Variants in ATG7 observed in about 807,000 individuals in gnomAD.
ATG7 encodes autophagy related 7.
In ATG7, 70 loss-of-function variants were observed where a neutral mutation model predicts 82.4. The ratio of observed to expected loss-of-function variants is 0.85; its 90% CI spans 0.70 to 1.04. The LOEUF is 1.04. Ranked by LOEUF, ATG7 falls within the 50% of genes least tolerant of loss-of-function variation. The probability of loss-of-function intolerance (pLI) is 0.00; values close to 1 mark genes in which losing one functional copy is unlikely to be tolerated. For missense variants in ATG7, 792 were observed against 864.3 expected (o/e 0.92, Z 1.05); for synonymous variants, 287 against 313.0 (o/e 0.92, Z 0.88).
At chr3:11,347,087 C>T (rs1310745378) in intron 13 of ATG7, among the ~76,000 whole-genome samples, 2 of 152,182 alleles carry the variant, frequency 1.3e-5, no homozygotes, top group African/African-American at 4.8e-5. Context: ...TGTACCCTAC[C>T]CCAAGAAGTA....
intron 20 of ATG7, among the ~76,000 whole-genome samples, chr3:11,547,603 TA>T (rs1452175838): frequency 6.6e-6 from 1 of 152,226 alleles, no homozygotes; most frequent in African/African-American, 2.4e-5. Context: ...AGCTGTTTTT[TA>T]TGAGGTGGCT....
chr3:11,479,146 T>C (rs2153029176), intron 20 of ATG7, among the ~76,000 whole-genome samples: 1 of 152,322 alleles, frequency 6.6e-6, no homozygotes, highest in Admixed American at 6.5e-5. Context: ...TTAGTTCATA[T>C]GGACTTGATG....
chr3:11,518,587 T>G (rs1404099349), intron 20 of ATG7, among the ~76,000 whole-genome samples: 6 of 152,070 alleles, frequency 3.9e-5, no homozygotes, highest in Non-Finnish European at 2.9e-5. Flanking sequence ...AAAACAATCT[T>G]AGTGCAGATC....
chr3:11,323,467 T>A (rs1377763579), intron 9 of ATG7, among the ~76,000 whole-genome samples: 1 of 152,158 alleles, frequency 6.6e-6, no homozygotes, highest in Non-Finnish European at 1.5e-5. Flanking sequence ...AGTTCTTCTC[T>A]CAATGAAATG....
chr3:11,356,666 C>G (rs2075954667), intron 14 of ATG7, among the ~76,000 whole-genome samples: 1 of 152,172 alleles, frequency 6.6e-6, no homozygotes, highest in Non-Finnish European at 1.5e-5. Flanking sequence ...TTATTTGGAT[C>G]AAGCTACCAC....
intron 19 of ATG7, among the ~76,000 whole-genome samples, chr3:11,418,270 ATT>A (rs551384190): frequency 2.8e-5 from 4 of 141,374 alleles, no homozygotes; most frequent in African/African-American, 2.6e-5. Context: ...ATACCTGGCT[ATT>A]TTTTTTTTTT....
At chr3:11,514,959 G>T (rs2092219678) in intron 20 of ATG7, among the ~76,000 whole-genome samples, 1 of 151,166 alleles carries the variant, frequency 6.6e-6, no homozygotes, top group African/African-American at 2.4e-5. Flanking sequence ...TCCTGCCTCA[G>T]CTTCCTGAGT....
intron 20 of ATG7, chr3:11,488,211 AG>A: frequency 5.9e-6 from 1 of 168,162 alleles, no homozygotes; most frequent in Non-Finnish European, 1.1e-5. Flanking sequence ...ATGGGCGGCC[AG>A]GCAGAGACAC....
intron 18 of ATG7, among the ~76,000 whole-genome samples, chr3:11,377,275 G>A (rs1230966880): frequency 5.3e-5 from 8 of 152,168 alleles, no homozygotes; most frequent in Non-Finnish European, 1.2e-4. Flanking sequence ...TACAAACTTG[G>A]TGAATTTGAA....
At chr3:11,398,726 C>A (rs1013121086) in intron 19 of ATG7, among the ~76,000 whole-genome samples, 1 of 152,154 alleles carries the variant, frequency 6.6e-6, no homozygotes, top group Non-Finnish European at 1.5e-5. Context: ...ATGGCACATG[C>A]CTGTAGTCCT....
At chr3:11,441,445 T>C (rs2083950128) in intron 20 of ATG7, among the ~76,000 whole-genome samples, 1 of 151,956 alleles carries the variant, frequency 6.6e-6, no homozygotes, top group African/African-American at 2.4e-5. Flanking sequence ...GGTTTCAGCA[T>C]CTTGGCCAGG....
Position 11,315,233 on chromosome 3 carries a change from TC to T in ATG7, c.529-110del, listed in dbSNP as rs2152725294. 1.1e-5 allele frequency: 11 copies of T among 969,970 alleles called. No individual in the cohort carries two copies. In the South Asian group the frequency reaches 2.4e-4, roughly 21 times the overall value. 60.1% of individuals were successfully genotyped at this position (969,970 alleles called of 1,614,324 possible). A position where few individuals can be genotyped will look rare whatever the true frequency, so the allele number is the denominator to read the frequency against. On this transcript the variant is annotated intron_variant, in intron 8 of 20. Coordinates refer to ENST00000693202, the MANE Select transcript of ATG7 (RefSeq NM_001349232.2). ...CTGTAATAGAGTAAGAGGAGTGTGA[TC>T]AGTCATTTCTAGTCTTCTGGTTTTA...
the ATG7 span, among the ~76,000 whole-genome samples, chr3:11,573,731 T>TC: frequency 2.0e-5 from 3 of 152,368 alleles, no homozygotes; most frequent in East Asian, 5.8e-4. Context: ...TACTGACCAT[T>TC]CTACTTTATG....
intron 20 of ATG7, among the ~76,000 whole-genome samples, chr3:11,496,996 C>T (rs1028294133): frequency 4.0e-5 from 6 of 151,674 alleles, no homozygotes; most frequent in South Asian, 2.1e-4. Flanking sequence ...GGATTACAGG[C>T]GTGCACCACC....
chr3:11,456,967 A>G (rs1251224868), intron 20 of ATG7, among the ~76,000 whole-genome samples: 2 of 152,328 alleles, frequency 1.3e-5, no homozygotes, highest in East Asian at 3.9e-4. Flanking sequence ...CCTCCAGACA[A>G]CAATACACAC....
At chr3:11,553,459 C>T (rs75889707) in intron 20 of ATG7, among the ~76,000 whole-genome samples, 2,865 of 152,270 alleles carry the variant, frequency 0.019, 60 homozygotes, top group African/African-American at 0.05. Flanking sequence ...TCCACTCGGA[C>T]CATCAGAACC....
intron 20 of ATG7, among the ~76,000 whole-genome samples, chr3:11,441,479 T>A (rs576493100): frequency 6.6e-6 from 1 of 151,800 alleles, no homozygotes; most frequent in Non-Finnish European, 1.5e-5. Flanking sequence ...CGTGACCTCA[T>A]GATCCACCCA....
chr3:11,361,912 C>T (rs1467100485), intron 16 of ATG7, among the ~76,000 whole-genome samples: 1 of 152,204 alleles, frequency 6.6e-6, no homozygotes, highest in Non-Finnish European at 1.5e-5. Flanking sequence ...TCTGTAACCT[C>T]CCCTCTATTT....
the ATG7 span, among the ~76,000 whole-genome samples, chr3:11,564,178 C>T: frequency 6.6e-6 from 1 of 152,152 alleles, no homozygotes; most frequent in Non-Finnish European, 1.5e-5. Flanking sequence ...CCCCAGGAAC[C>T]CCATTTTTAA....
Sources: allele counts gnomAD v4.1 joint callset (sites outside exome capture counted in the v4.1 genomes callset), GRCh38; gene constraint gnomAD v4.1.1; transcripts MANE v1.5; gene names NCBI Gene and HGNC (gene_info 2026-07-23, HGNC 2026-07-21).